The following PCDH7 variants were observed in gnomAD, a reference collection of about 807,000 sequenced individuals.
The protein encoded by PCDH7 is protocadherin-7.
Under a neutral mutation model 58.9 loss-of-function variants are expected in PCDH7, and 17 were observed. The ratio of observed to expected loss-of-function variants is 0.29; its 90% CI spans 0.20 to 0.43. PCDH7 has a LOEUF of 0.43. Among genes scored for constraint, PCDH7 ranks in the 20% least tolerant of loss-of-function variants. PCDH7 has a pLI of 1.00. For missense variants in PCDH7, 1,274 were observed against 1,441.0 expected, an observed-to-expected ratio of 0.88 and a Z score of 1.88; for synonymous variants, 664 against 616.4, an observed-to-expected ratio of 1.08 and a Z score of -1.14.
Position 30,872,029 on chromosome 4 carries a change from A to G in PCDH7, c.71-48124A>G, listed in dbSNP as rs1246866394. ...CAGTAAATCTCCTCTGGCCTTTATT[A>G]CATCTGCATATTTTTTCAAATGAGG... On this transcript the variant is annotated intron_variant, in intron 1 of 3. Transcript: ENST00000509759. Among the ~76,000 whole-genome samples, 4 of 152,208 alleles carry G rather than the reference A, an allele frequency of 2.6e-5. No homozygotes were observed. The East Asian group carries it at 7.8e-4, about 30-fold the overall frequency.
chr4:30,765,896 G>A (rs1004722121), intron 1 of PCDH7, among the ~76,000 whole-genome samples: 23 of 152,100 alleles, frequency 1.5e-4, no homozygotes, highest in African/African-American at 5.1e-4. Flanking sequence ...GAAGGCAGTC[G>A]GTTCTGTTTA....
At chr4:31,074,548 C>T (rs932589213) in intron 3 of PCDH7, among the ~76,000 whole-genome samples, 2 of 151,558 alleles carry the variant, frequency 1.3e-5, no homozygotes, top group African/African-American at 4.9e-5. Context: ...TCTCAGAGGC[C>T]AAGGAGGGTG....
chr4:31,037,702 C>T (rs546923461), intron 3 of PCDH7, among the ~76,000 whole-genome samples: 1 of 152,300 alleles, frequency 6.6e-6, no homozygotes, highest in South Asian at 2.1e-4. Flanking sequence ...CCATTGCTCT[C>T]TTTTCTAAAA....
At chr4:31,115,761 T>C (rs1447821077) in intron 3 of PCDH7, among the ~76,000 whole-genome samples, 51 of 152,200 alleles carry the variant, frequency 3.4e-4, no homozygotes, top group Admixed American at 3.3e-3. Flanking sequence ...TAAAACATTT[T>C]AACAGAAGTA....
At chr4:31,135,464 G>A (rs1260294628) in intron 3 of PCDH7, among the ~76,000 whole-genome samples, 2 of 152,128 alleles carry the variant, frequency 1.3e-5, no homozygotes, top group Non-Finnish European at 2.9e-5. Flanking sequence ...AGTGGCCAGC[G>A]TATGTCTCTA....
intron 1 of PCDH7, among the ~76,000 whole-genome samples, chr4:30,894,489 AAATATATAT>A (rs1560476626): frequency 4.4e-5 from 2 of 45,928 alleles, no homozygotes; most frequent in African/African-American, 8.8e-5. Context: ...AAAAAAAAAA[AAATATATAT>A]ATATATATAT....
intron 1 of PCDH7, among the ~76,000 whole-genome samples, chr4:30,830,292 A>C (rs925484087): frequency 2.6e-5 from 4 of 152,104 alleles, no homozygotes; most frequent in African/African-American, 9.7e-5. Context: ...AGTTTAAAAA[A>C]AGTAAAATAA....
chr4:30,747,325 C>T (rs554752031), intron 1 of PCDH7, among the ~76,000 whole-genome samples: 1 of 152,244 alleles, frequency 6.6e-6, no homozygotes, highest in Admixed American at 6.5e-5. Context: ...TATTAGCTTC[C>T]CATTGCCCCT....
chr4:30,853,557 G>A (rs535536494), intron 1 of PCDH7, among the ~76,000 whole-genome samples: 1 of 152,012 alleles, frequency 6.6e-6, no homozygotes, highest in South Asian at 2.1e-4. Context: ...ATTCATTCAA[G>A]TTTTATATAT....
intron 3 of PCDH7, among the ~76,000 whole-genome samples, chr4:30,954,680 C>T (rs916665088): frequency 1.3e-5 from 2 of 152,254 alleles, no homozygotes; most frequent in South Asian, 2.1e-4. Flanking sequence ...AAGCAGGACA[C>T]AGGGATTAAT....
intron 3 of PCDH7, among the ~76,000 whole-genome samples, chr4:31,097,549 CTT>C (rs1714196359): frequency 1.6e-5 from 2 of 125,962 alleles, no homozygotes; most frequent in Non-Finnish European, 3.3e-5. Context: ...GAAAGATGCA[CTT>C]ACTATGTGAA....
In PCDH7 at chr4:30,722,914, A is replaced by G. The variant is rs1417130824; in HGVS notation, c.1492A>G (p.Thr498Ala). 1.3e-5 allele frequency: 21 copies of G among 1,613,594 alleles called. No individual in the cohort carries two copies. The highest frequency in any genetic ancestry group is 1.8e-5 in the Non-Finnish European group (21 of 1,180,004). ...CTCGACCCCTCTGGACTATGAGGCC[A>G]CCCGGGAGTTCAACGTGGTCATCGT... The change falls in exon 1 of 2, where the codon ACC becomes GCC. Residue 498 changes from threonine (T) to alanine (A), a missense_variant. Physicochemically the swap from Thr to Ala is moderately conservative, Grantham distance 58. This residue lies in a region of PCDH7 where 731 missense variants were observed against 881.9 expected (regional missense o/e 0.83). Coordinates refer to ENST00000361762, the Ensembl canonical transcript of PCDH7. This position sits in a 1 kb window ranked among gnomAD's most constrained non-coding sequence, Gnocchi z 7.6.
At chr4:30,998,120 T>C (rs927359675) in intron 3 of PCDH7, among the ~76,000 whole-genome samples, 63 of 152,178 alleles carry the variant, frequency 4.1e-4, no homozygotes, top group Non-Finnish European at 1.3e-4. Flanking sequence ...ATAAAACTTA[T>C]ATTACAAGAG....
intron 3 of PCDH7, among the ~76,000 whole-genome samples, chr4:30,986,711 G>A (rs1411277359): frequency 2.6e-5 from 4 of 152,006 alleles, no homozygotes; most frequent in Non-Finnish European, 1.5e-5. Context: ...GGCCGGTCGC[G>A]GTGGCTCATG....
rs1735547286 is a variant in PCDH7 at position 30,871,295 on chromosome 4, G to A, written c.71-48858G>A. On this transcript the variant is annotated intron_variant, in intron 1 of 3. Coordinates refer to the PCDH7 transcript ENST00000509759. The stretch of plus-strand genomic sequence containing the variant: ...CCAGTTAGCAGAGGATGGGTAGGGA[G>A]CATAGGGTTTTGCTCCATGTATCTG... Among the ~76,000 whole-genome samples, 5 of 152,032 alleles carry A rather than the reference G, an allele frequency of 3.3e-5. No individual in the cohort carries two copies. In the South Asian group the frequency reaches 1.0e-3, roughly 32 times the overall value.
At position 30,721,526 on chromosome 4, in the gene PCDH7, G is replaced by T; in HGVS notation, c.104G>T (p.Arg35Leu). Residue 35 changes from arginine to leucine, a missense_variant, in exon 1 of 2, where the codon CGG becomes CTG. By Grantham distance (102) the Arg-to-Leu change is moderately radical. Around this residue, in one of 3 missense-constraint regions of PCDH7, gnomAD observed 212 missense variants for 255.8 expected, o/e 0.83. Transcript: ENST00000361762. This position sits in a 1 kb window ranked among gnomAD's most constrained non-coding sequence, Gnocchi z 6.7. ...CTGGCGGCCGCCAAGCAGCTCCTCC[G>T]GTACCGGCTGGCCGAGGAGGGCCCC... The T allele has an allele frequency of 6.2e-7, 1 of 1,600,748 alleles. No homozygotes were observed. Among genetic ancestry groups the T allele is most frequent in the East Asian group, 2.2e-5 (1 of 44,814 alleles).
chr4:30,876,115 C>T (rs941226384), intron 1 of PCDH7, among the ~76,000 whole-genome samples: 1 of 152,032 alleles, frequency 6.6e-6, no homozygotes, highest in Admixed American at 6.6e-5. Context: ...CATTTTTCCT[C>T]CACCTAATTC....
intron 1 of PCDH7, among the ~76,000 whole-genome samples, chr4:30,792,609 A>C (rs1724267071): frequency 6.6e-6 from 1 of 152,118 alleles, no homozygotes; most frequent in Non-Finnish European, 1.5e-5. Context: ...TAGGGGAAAA[A>C]TTAACATTTC....
At chr4:30,922,045 A>C (rs1477696847) in intron 2 of PCDH7, among the ~76,000 whole-genome samples, 1 of 151,740 alleles carries the variant, frequency 6.6e-6, no homozygotes, top group Middle Eastern at 3.2e-3. Flanking sequence ...AATTACATGT[A>C]TGTAGCCACA....
Sources: allele counts gnomAD v4.1 joint callset (sites outside exome capture counted in the v4.1 genomes callset), GRCh38; gene constraint gnomAD v4.1.1; regional missense constraint gnomAD v4.1.1; non-coding constraint Gnocchi (gnomAD v3.1); transcripts MANE v1.5; gene names NCBI Gene and HGNC (gene_info 2026-07-23, HGNC 2026-07-21).